Variants in AGO1 observed in about 807,000 individuals in gnomAD.
The protein encoded by AGO1 is argonaute RISC component 1.
In AGO1, 11 loss-of-function variants were observed where a neutral mutation model predicts 109.2. The ratio of observed to expected loss-of-function variants is 0.10; its 90% CI spans 0.06 to 0.17. The LOEUF (loss-of-function observed/expected upper bound fraction) is 0.17. Ranked by LOEUF, AGO1 falls within the 10% of genes least tolerant of loss-of-function variation. AGO1 has a pLI of 1.00. For missense variants in AGO1, 574 were observed against 1,140.3 expected (o/e 0.50, Z 7.15); for synonymous variants, 422 against 418.6 (o/e 1.01, Z -0.10).
intron 17 of AGO1, 83 bp from the exon 18 acceptor site, chr1:35,918,972 T>C (rs2148725904): frequency 7.9e-7 from 1 of 1,259,900 alleles, no homozygotes; most frequent in Non-Finnish European, 1.1e-6. Context: ...TACCCAGCCA[T>C]ATTCTTAACA....
intron 15 of AGO1, 49 bp downstream of exon 15, chr1:35,915,591 C>G: frequency 6.5e-7 from 1 of 1,533,208 alleles, no homozygotes. Flanking sequence ...GGCTGGAAAG[C>G]TAGGTGCTAC....
Position 35,883,407 on chromosome 1 carries a change from G to GTA in AGO1, c.-15_-14insTA, listed in dbSNP as rs1645062720. 10 of 1,579,670 alleles carry GTA rather than the reference G, an allele frequency of 6.3e-6. No individual in the cohort carries two copies. The Admixed American group carries it at 1.6e-4, about 25-fold the overall frequency. On this transcript the variant is annotated 5_prime_UTR_variant, in exon 1 of 19. Transcript: ENST00000373204. The surrounding 1 kb of genome is among the most constrained non-coding windows in gnomAD (Gnocchi z 5.4). ...ACAGTCTCCGGGCCGCCTGACCTCCGCACGGGTATATGGGATGGAAGCGGG... is the reference window on the plus strand; with the variant it reads ...ACAGTCTCCGGGCCGCCTGACCTCCGTACACGGGTATATGGGATGGAAGCGGG...
chr1:35,882,820 G>A (rs1042890991), upstream of AGO1: 3 of 985,308 alleles, frequency 3.0e-6, no homozygotes, highest in African/African-American at 5.2e-5. The surrounding 1 kb of genome is among the most constrained non-coding windows in gnomAD (Gnocchi z 5.1). Flanking sequence ...AGGGTGATTG[G>A]GAGGAGAGGT....
rs1645941619 is a variant in AGO1 at position 35,926,949 on chromosome 1, T to G, written c.*7342T>G. The G allele has an allele frequency of 1.3e-5, 2 of 151,040 alleles. No homozygotes were observed. Among genetic ancestry groups the G allele is most frequent in the Admixed American group, 6.6e-5 (1 of 15,154 alleles). The allele number at this position is 151,040 out of a possible 1,614,324, so 9.4% of individuals were successfully genotyped here. A position where few individuals can be genotyped will look rare whatever the true frequency, so the allele number is the denominator to read the frequency against. On this transcript the variant is annotated 3_prime_UTR_variant, in exon 19 of 19. Transcript: ENST00000373204. ...GCAATGGTTTTTTGTTTGGGGTTTT[T>G]TTTTTTTTTTTTTTGGACAAAGTAT...
In AGO1 at chr1:35,901,466, T is replaced by G. The variant is rs377178710; in HGVS notation, c.1021-8T>G. ...AGCCAGAGCTACCTGTCCTTCTTGTTTCCTCAGGTCTGTAACATTGTGGCT... is the reference window on the plus strand; with the variant it reads ...AGCCAGAGCTACCTGTCCTTCTTGTGTCCTCAGGTCTGTAACATTGTGGCT... On this transcript the variant is annotated splice_region_variant and splice_polypyrimidine_tract_variant and intron_variant, in intron 8 of 18. Coordinates refer to ENST00000373204, the MANE Select transcript of AGO1 (RefSeq NM_012199.5). The surrounding 1 kb of genome is among the most constrained non-coding windows in gnomAD (Gnocchi z 4.8). 5 of 1,613,954 alleles carry G rather than the reference T, an allele frequency of 3.1e-6. No individual in the cohort carries two copies. Among genetic ancestry groups the G allele is most frequent in the Non-Finnish European group, 4.2e-6 (5 of 1,179,878 alleles).
chr1:35,889,734 T>C (rs1330018453), intron 2 of AGO1, among the ~76,000 whole-genome samples: 1 of 152,084 alleles, frequency 6.6e-6, no homozygotes, highest in East Asian at 1.9e-4. Context: ...TGGCGCCATC[T>C]CAGATCACTG....
rs1282116423 is a variant in AGO1, at chr1:35,901,226, C to T, written c.1021-248C>T. ...CCTCAAGTGATCTGGCCGCCTTGGC[C>T]TCCTAAGGTGCTGGGATTGCAGGCA... On this transcript the variant is annotated intron_variant, in intron 8 of 18. Transcript: ENST00000373204. The surrounding 1 kb of genome is among the most constrained non-coding windows in gnomAD (Gnocchi z 4.8). 6.6e-6 allele frequency among the ~76,000 whole-genome samples: 1 copy of T among 152,178 alleles called. No homozygotes were observed. The highest frequency in any genetic ancestry group is 1.9e-4 in the East Asian group (1 of 5,160).
Position 35,893,348 on chromosome 1 carries a change from C to A in AGO1, c.512+70C>A. The A allele has an allele frequency of 6.7e-7, 1 of 1,503,208 alleles. No homozygotes were observed. The highest frequency in any genetic ancestry group is 9.0e-7 in the Non-Finnish European group (1 of 1,107,838). The allele number at this position is 1,503,208 out of a possible 1,614,324, so 93.1% of individuals were successfully genotyped here. A position where few individuals can be genotyped will look rare whatever the true frequency, so the allele number is the denominator to read the frequency against. On this transcript the variant is annotated intron_variant, in intron 4 of 18. Transcript: ENST00000373204. The surrounding 1 kb of genome is among the most constrained non-coding windows in gnomAD (Gnocchi z 5.6). ...TGCTGTCAGGGGAGGAGGGGGAGCA[C>A]ATATTAAGGTCCCACAGAGTGCCAT...
chr1:35,919,248 A>C lies in AGO1; in HGVS notation c.2459A>C (p.His820Pro). The change falls in exon 18 of 19, where the codon CAT becomes CCT. Residue 820 changes from histidine to proline, a missense_variant. His to Pro is a moderately conservative substitution (Grantham distance 77, BLOSUM62 -2). Around this residue, in one of 8 missense-constraint regions of AGO1, gnomAD observed 62 missense variants for 192.0 expected, o/e 0.32. Coordinates refer to ENST00000373204, the MANE Select transcript of AGO1 (RefSeq NM_012199.5). The surrounding 1 kb of genome is among the most constrained non-coding windows in gnomAD (Gnocchi z 6.6). ...CGATACCACCTGGTGGACAAGGAGC[A>C]TGACAGGTGAGGCCTGGGATCAGGT... is the stretch of plus-strand genomic sequence containing the variant. Reference protein sequence around the residue: ...RARYHLVDKEHDSGEGSHISG... With the variant: ...RARYHLVDKEPDSGEGSHISG... 1 of 1,613,444 alleles carries C rather than the reference A, an allele frequency of 6.2e-7. No individual in the cohort carries two copies. The highest frequency in any genetic ancestry group is 8.5e-7 in the Non-Finnish European group (1 of 1,179,744).
At chr1:35,915,581 G>T in intron 15 of AGO1, 39 bp downstream of exon 15, 1 of 1,584,130 alleles carries the variant, frequency 6.3e-7, no homozygotes, top group Non-Finnish European at 8.6e-7. Context: ...TTCACATCAT[G>T]GCTGGAAAGC....
At chr1:35,912,979 G>A (rs1349865947) in intron 12 of AGO1, among the ~76,000 whole-genome samples, 1 of 151,594 alleles carries the variant, frequency 6.6e-6, no homozygotes, top group Non-Finnish European at 1.5e-5. Context: ...AATATCTGTG[G>A]AATCCATTTG....
chr1:35,913,469 A>G (rs760157906), intron 12 of AGO1, among the ~76,000 whole-genome samples: 1 of 152,154 alleles, frequency 6.6e-6, no homozygotes, highest in Non-Finnish European at 1.5e-5. Context: ...GTCTTCTAGC[A>G]GGGTGCATTT....
intron 1 of AGO1, among the ~76,000 whole-genome samples, chr1:35,871,913 C>CA (rs1214880836): frequency 2.0e-5 from 3 of 150,400 alleles, no homozygotes; most frequent in Non-Finnish European, 4.4e-5. Flanking sequence ...ACTAAAAATA[C>CA]AAAAAAATTA....
intron 8 of AGO1, among the ~76,000 whole-genome samples, chr1:35,898,993 A>G (rs1244505966): frequency 1.3e-5 from 2 of 152,194 alleles, no homozygotes; most frequent in Non-Finnish European, 1.5e-5. Flanking sequence ...CACCATGACC[A>G]ATCTCCAGAA....
intron 1 of AGO1, among the ~76,000 whole-genome samples, chr1:35,874,596 T>C (rs957961374): frequency 6.6e-6 from 1 of 152,210 alleles, no homozygotes; most frequent in East Asian, 1.9e-4. Flanking sequence ...AACCCTGCAA[T>C]GGCCTGTAAG....
At chr1:35,914,978 A>G (rs1645708782) in intron 14 of AGO1, among the ~76,000 whole-genome samples, 1 of 152,156 alleles carries the variant, frequency 6.6e-6, no homozygotes. Flanking sequence ...AAAAAGGATA[A>G]ACTTGGGACT....
Position 35,888,059 on chromosome 1 carries a change from G to T in AGO1, c.26-368G>T, listed in dbSNP as rs1338485233. Among the ~76,000 whole-genome samples, 1 of 152,088 alleles carries T rather than the reference G, an allele frequency of 6.6e-6. No homozygotes were observed. Among genetic ancestry groups the T allele is most frequent in the Non-Finnish European group, 1.5e-5 (1 of 68,026 alleles). Reference sequence around the variant, plus strand: ...TGGCTGGCAGAGAATAGAAATTCTTGGTCTGCTAGATACCTGGTGGAGGCA... The same window carrying T: ...TGGCTGGCAGAGAATAGAAATTCTTTGTCTGCTAGATACCTGGTGGAGGCA... On this transcript the variant is annotated intron_variant, in intron 1 of 18. Transcript: ENST00000373204. The surrounding 1 kb of genome is among the most constrained non-coding windows in gnomAD (Gnocchi z 4.1).
chr1:35,902,875 G>T (rs1478463415), intron 11 of AGO1, among the ~76,000 whole-genome samples: 2 of 152,122 alleles, frequency 1.3e-5, no homozygotes, highest in Non-Finnish European at 2.9e-5. Flanking sequence ...TTAGCTGGTT[G>T]TCAGGGCCTC....
intron 8 of AGO1, 105 bp downstream of exon 8, chr1:35,895,374 G>A: frequency 3.9e-6 from 5 of 1,286,838 alleles, no homozygotes; most frequent in Non-Finnish European, 5.2e-6. Flanking sequence ...CTGACATTCT[G>A]AGAAGGTATG....
Sources: gnomAD v4.1 joint callset for allele counts (sites outside exome capture counted in the v4.1 genomes callset) on GRCh38, gnomAD v4.1.1 for gene constraint, gnomAD v4.1.1 regional missense constraint, Gnocchi (gnomAD v3.1) non-coding constraint, MANE v1.5 for transcripts, NCBI Gene and HGNC (gene_info 2026-07-23, HGNC 2026-07-21) for gene names.